SLC14A2: variants seen among roughly 807,000 people sequenced by gnomAD.
SLC14A2 encodes urea transporter 2.
In SLC14A2, 91 loss-of-function variants were observed where a neutral mutation model predicts 104.6. The observed-to-expected ratio is 0.87, with a 90% CI of 0.73 to 1.04. The LOEUF (loss-of-function observed/expected upper bound fraction) is 1.04, where lower values mean the gene tolerates loss of function less well. Ranked by LOEUF, SLC14A2 falls within the 50% of genes least tolerant of loss-of-function variation. SLC14A2 has a pLI of 0.00. For synonymous variants in SLC14A2, 476 were observed against 466.4 expected, an observed-to-expected ratio of 1.02 and a Z score of -0.27; for missense variants, 1,189 against 1,156.0, an observed-to-expected ratio of 1.03 and a Z score of -0.41.
At chr18:45,395,744 A>C (rs976161670) in intron 1 of SLC14A2, among the ~76,000 whole-genome samples, 3 of 152,046 alleles carry the variant, frequency 2.0e-5, no homozygotes, top group Admixed American at 6.6e-5. Context: ...CTGCCACCCC[A>C]TTATGTCCCT....
intron 1 of SLC14A2, among the ~76,000 whole-genome samples, chr18:45,259,020 C>T (rs984063393): frequency 4.6e-5 from 7 of 152,224 alleles, no homozygotes; most frequent in African/African-American, 1.7e-4. Flanking sequence ...GACACTGGCA[C>T]ACTCACACGT....
chr18:45,601,561 T>A (rs1425646326), intron 2 of SLC14A2, among the ~76,000 whole-genome samples: 1 of 152,256 alleles, frequency 6.6e-6, no homozygotes, highest in African/African-American at 2.4e-5. Flanking sequence ...ACTTTGACTT[T>A]GTCATCTTAA....
At chr18:45,614,098 G>A (rs1029974520), upstream of SLC14A2, among the ~76,000 whole-genome samples, 1 of 152,212 alleles carries the variant, frequency 6.6e-6, no homozygotes. Flanking sequence ...ATGCAGCCTC[G>A]GGACTTGGTA....
intron 1 of SLC14A2, among the ~76,000 whole-genome samples, chr18:45,288,257 A>G (rs1260544016): frequency 6.6e-6 from 1 of 152,158 alleles, no homozygotes; most frequent in African/African-American, 2.4e-5. Context: ...AACTCAAGCA[A>G]ACCTCATATC....
chr18:45,500,507 G>A (rs1014333181), intron 2 of SLC14A2, among the ~76,000 whole-genome samples: 3 of 150,866 alleles, frequency 2.0e-5, no homozygotes, highest in Non-Finnish European at 2.9e-5. Flanking sequence ...AACCCGGGAG[G>A]CGGAGCTTGC....
At chr18:45,169,566 G>A in the SLC14A2 span, among the ~76,000 whole-genome samples, 1 of 152,152 alleles carries the variant, frequency 6.6e-6, no homozygotes, top group Non-Finnish European at 1.5e-5. Context: ...TGCATTTTGT[G>A]TATCTCTCTT....
chr18:45,615,677 G>A (rs1022643663), intron 1 of SLC14A2, 95 bp downstream of exon 1: 1 of 151,872 alleles, frequency 6.6e-6, no homozygotes, highest in South Asian at 2.1e-4. Context: ...TATTGCAGTG[G>A]GGGAGCCAGG....
chr18:45,663,741 G>A (rs368317582), intron 10 of SLC14A2, 44 bp from the exon 11 acceptor site: 156 of 1,593,454 alleles, frequency 9.8e-5, no homozygotes, highest in Admixed American at 8.0e-4. Flanking sequence ...TCTCAGGTGC[G>A]GACTAGGTGG....
intron 1 of SLC14A2, among the ~76,000 whole-genome samples, chr18:45,360,669 G>A (rs1193344046): frequency 6.6e-6 from 1 of 152,242 alleles, no homozygotes; most frequent in Non-Finnish European, 1.5e-5. Context: ...TCTCTAGCTG[G>A]TGATCTGATT....
At chr18:45,616,251 G>A (rs2045070493) in intron 1 of SLC14A2, among the ~76,000 whole-genome samples, 1 of 152,188 alleles carries the variant, frequency 6.6e-6, no homozygotes, top group Admixed American at 6.5e-5. Flanking sequence ...GGCACAGCCT[G>A]AAGCAGCCAC....
intron 1 of SLC14A2, among the ~76,000 whole-genome samples, chr18:45,285,663 C>T (rs1294633341): frequency 1.4e-4 from 2 of 13,954 alleles, no homozygotes; most frequent in African/African-American, 2.0e-3. Flanking sequence ...GGTGATCTGC[C>T]CCCCCCCCCC....
chr18:45,496,343 G>A (rs980920177), intron 2 of SLC14A2, among the ~76,000 whole-genome samples: 2 of 152,210 alleles, frequency 1.3e-5, no homozygotes, highest in African/African-American at 2.4e-5. Flanking sequence ...GTTCCTTGGT[G>A]TGTCTGTGAG....
At chr18:45,442,453 T>C (rs895649311) in intron 1 of SLC14A2, among the ~76,000 whole-genome samples, 8 of 152,190 alleles carry the variant, frequency 5.3e-5, no homozygotes, top group Non-Finnish European at 7.3e-5. Context: ...TTCGTTGGCA[T>C]GTCAAGGCAT....
chr18:45,674,918 C>T lies in SLC14A2; in HGVS notation c.2512+1101C>T, dbSNP rs139048996. Reference sequence around the variant, plus strand: ...CACTTGAAATTTTGCACCCCAGGTGCTTCACTCACCTCCCCAAGTCCCAGC... The same window carrying T: ...CACTTGAAATTTTGCACCCCAGGTGTTTCACTCACCTCCCCAAGTCCCAGC... On this transcript the variant is annotated intron_variant, in intron 18 of 19. Coordinates refer to ENST00000255226, the MANE Select transcript of SLC14A2 (RefSeq NM_007163.4). Among the ~76,000 whole-genome samples the T allele has an allele frequency of 2.5e-3, 383 of 152,324 alleles. 1 individual carries two copies. The highest frequency in any genetic ancestry group is 8.9e-3 in the African/African-American group (368 of 41,560).
At chr18:45,469,981 A>T (rs1271985982) in intron 1 of SLC14A2, among the ~76,000 whole-genome samples, 2 of 152,254 alleles carry the variant, frequency 1.3e-5, no homozygotes, top group Non-Finnish European at 2.9e-5. Flanking sequence ...CGAGTTGAAA[A>T]GTAGAGAAAA....
chr18:45,499,094 C>A (rs1387551046), intron 2 of SLC14A2, among the ~76,000 whole-genome samples: 1 of 152,190 alleles, frequency 6.6e-6, no homozygotes, highest in Non-Finnish European at 1.5e-5. Context: ...CCAAACACCA[C>A]CACCACCACC....
chr18:45,291,453 T>G (rs1484847299), intron 1 of SLC14A2, among the ~76,000 whole-genome samples: 1 of 152,142 alleles, frequency 6.6e-6, no homozygotes, highest in Non-Finnish European at 1.5e-5. Context: ...CCCAACTTTT[T>G]CCCCATTGAG....
intron 8 of SLC14A2, 42 bp from the exon 9 acceptor site, chr18:45,643,090 G>C (rs1480707764): frequency 4.4e-6 from 7 of 1,604,008 alleles, no homozygotes; most frequent in African/African-American, 1.3e-5. Flanking sequence ...TTAGGGGGAA[G>C]GCCCTGGGAA....
chr18:45,667,036 C>G lies in SLC14A2; in HGVS notation c.1659C>G (p.Val553=), dbSNP rs2156609. The change falls in exon 13 of 20, where the codon GTC becomes GTG. Residue 553 remains valine (V), a synonymous_variant. Transcript: ENST00000255226. The part of the protein sequence containing the change: ...RSSMAASGKR[V]SKALSYITGE... ...CCATGGCTGCCAGTGGGAAAAGGGT[C>G]AGCAAAGCCCTCAGCTACATCACAG... 1,289,867 of 1,612,664 alleles carry G rather than the reference C, an allele frequency of 0.8. 521,434 individuals are homozygous for G. The highest frequency in any genetic ancestry group is 0.83 in the Non-Finnish European group (976,350 of 1,178,944).
Sources: allele counts gnomAD v4.1 joint callset (sites outside exome capture counted in the v4.1 genomes callset), GRCh38; gene constraint gnomAD v4.1.1; transcripts MANE v1.5; gene names NCBI Gene and HGNC (gene_info 2026-07-23, HGNC 2026-07-21).